Variants in PBX1 observed in about 807,000 individuals in gnomAD.
The protein encoded by PBX1 is pre-B-cell leukemia transcription factor 1.
Under a neutral mutation model 53.4 loss-of-function variants are expected in PBX1, and 6 were observed. That is an observed-to-expected ratio of 0.11 (90% CI 0.06 to 0.22). PBX1 has a LOEUF of 0.22. Ranked by LOEUF, PBX1 falls within the 10% of genes least tolerant of loss-of-function variation. The pLI is 1.00. For synonymous variants in PBX1, 204 were observed against 212.3 expected (o/e 0.96, Z 0.34); for missense variants, 251 against 551.4 (o/e 0.46, Z 5.46).
chr1:164,693,556 A>G (rs1662624741), intron 2 of PBX1, among the ~76,000 whole-genome samples: 1 of 151,372 alleles, frequency 6.6e-6, no homozygotes, highest in Admixed American at 6.6e-5. Context: ...CACACCTGAC[A>G]CTCCCCACCA....
intron 5 of PBX1, 101 bp downstream of exon 5, chr1:164,807,778 A>C (rs1669427049): frequency 7.6e-7 from 1 of 1,316,504 alleles, no homozygotes; most frequent in Non-Finnish European, 1.1e-6. Flanking sequence ...CATGCCTTGC[A>C]AGTTCCATCA....
chr1:164,562,965 TAAAA>T, intron 1 of PBX1: 2 of 176,602 alleles, frequency 1.1e-5, no homozygotes, highest in African/African-American at 2.5e-5. Flanking sequence ...TTAAACTACT[TAAAA>T]AAAAAAAAAA....
At chr1:164,729,927 T>C (rs1427374205) in intron 2 of PBX1, among the ~76,000 whole-genome samples, 1 of 152,248 alleles carries the variant, frequency 6.6e-6, no homozygotes, top group Non-Finnish European at 1.5e-5. Context: ...TCTCATTTAA[T>C]CTTCCCAATA....
chr1:164,822,666 A>C (rs1464649490), intron 8 of PBX1, among the ~76,000 whole-genome samples: 1 of 152,228 alleles, frequency 6.6e-6, no homozygotes, highest in Non-Finnish European at 1.5e-5. Context: ...AGATCAGATG[A>C]GGAATGATTG....
chr1:164,806,616 G>T (rs962084529), intron 4 of PBX1, among the ~76,000 whole-genome samples: 1 of 152,210 alleles, frequency 6.6e-6, no homozygotes, highest in South Asian at 2.1e-4. Context: ...TTTTGTAGTG[G>T]TCAGACCTGA....
At chr1:164,588,053 A>G (rs1315587646) in intron 2 of PBX1, among the ~76,000 whole-genome samples, 1 of 152,218 alleles carries the variant, frequency 6.6e-6, no homozygotes, top group Non-Finnish European at 1.5e-5. Context: ...GGCAAAGACC[A>G]AAGGACAGAG....
intron 3 of PBX1, among the ~76,000 whole-genome samples, chr1:164,797,863 G>A (rs561665760): frequency 9.2e-5 from 14 of 152,306 alleles, no homozygotes; most frequent in South Asian, 4.1e-4. Flanking sequence ...GCACAGATAC[G>A]TTAAGTAACT....
intron 2 of PBX1, among the ~76,000 whole-genome samples, chr1:164,861,328 C>G (rs1672091717): frequency 6.6e-6 from 1 of 152,114 alleles, no homozygotes; most frequent in Non-Finnish European, 1.5e-5. Context: ...CTGCTTAACT[C>G]ACTTCTAAAT....
intron 2 of PBX1, among the ~76,000 whole-genome samples, chr1:164,875,156 T>A (rs887489185): frequency 6.6e-6 from 1 of 152,098 alleles, no homozygotes; most frequent in Non-Finnish European, 1.5e-5. Flanking sequence ...AGACCTCTGA[T>A]GTGAAGTTAG....
At chr1:164,587,063 A>G (rs1182797497) in intron 2 of PBX1, among the ~76,000 whole-genome samples, 1 of 152,206 alleles carries the variant, frequency 6.6e-6, no homozygotes, top group East Asian at 1.9e-4. Context: ...CATGCTTGAC[A>G]TTGAGCAGCA....
intron 2 of PBX1, among the ~76,000 whole-genome samples, chr1:164,881,592 G>GAAGGAAAGGAAAGGA (rs71097555): frequency 0.018 from 1,735 of 94,110 alleles, 93 homozygotes; most frequent in East Asian, 0.061. Context: ...AGGAAGGGAG[G>GAAGGAAAGGAAAGGA]AAGGAAAGGA....
chr1:164,776,455 G>A (rs997658197), intron 2 of PBX1, among the ~76,000 whole-genome samples: 1 of 152,182 alleles, frequency 6.6e-6, no homozygotes, highest in Admixed American at 6.5e-5. Flanking sequence ...AATACCTCTT[G>A]ATCCACAAAT....
intron 2 of PBX1, among the ~76,000 whole-genome samples, chr1:164,710,473 G>A (rs1005883533): frequency 9.2e-5 from 14 of 151,786 alleles, no homozygotes; most frequent in African/African-American, 1.5e-4. Context: ...GTGCAATGGC[G>A]TCATCTCGGC....
rs558695561 is a variant in PBX1 at position 164,591,085 on chromosome 1, C to T, written c.265+27774C>T. Among the ~76,000 whole-genome samples the T allele has an allele frequency of 6.9e-4, 103 of 150,040 alleles. 1 individual carries two copies. Among genetic ancestry groups the T allele is most frequent in the Non-Finnish European group, 1.3e-3 (89 of 67,820 alleles). On this transcript the variant is annotated intron_variant, in intron 2 of 8. Coordinates refer to ENST00000420696, the MANE Select transcript of PBX1 (RefSeq NM_002585.4). ...GGAGTGCAGTGACATGATCTTGGCTCACTGCATCCTCTGCCTCCCAGGTTC... is the reference window on the plus strand; with the variant it reads ...GGAGTGCAGTGACATGATCTTGGCTTACTGCATCCTCTGCCTCCCAGGTTC...
intron 3 of PBX1, 67 bp downstream of exon 3, chr1:164,792,805 G>A (rs1013995454): frequency 1.6e-4 from 190 of 1,221,338 alleles, no homozygotes; most frequent in Non-Finnish European, 4.0e-5. Flanking sequence ...GCACAACCCC[G>A]GGGCTTGCAG....
At chr1:164,710,805 C>A (rs1484788800) in intron 2 of PBX1, among the ~76,000 whole-genome samples, 1 of 152,122 alleles carries the variant, frequency 6.6e-6, no homozygotes, top group African/African-American at 2.4e-5. Flanking sequence ...AAAAGAAGAA[C>A]AAGTTGAGGA....
chr1:164,711,349 T>C (rs578204481), intron 2 of PBX1, among the ~76,000 whole-genome samples: 2 of 152,196 alleles, frequency 1.3e-5, no homozygotes, highest in Non-Finnish European at 2.9e-5. Context: ...CTGCAAGCTC[T>C]GCCTTCCAAG....
intron 5 of PBX1, among the ~76,000 whole-genome samples, chr1:164,809,309 A>G (rs539276748): frequency 3.7e-4 from 57 of 152,260 alleles, no homozygotes; most frequent in Non-Finnish European, 6.5e-4. Context: ...ATGGAAACTC[A>G]AGGTACAAAT....
At chr1:164,804,300 AAAAC>A (rs1452961610) in intron 4 of PBX1, among the ~76,000 whole-genome samples, 1 of 152,208 alleles carries the variant, frequency 6.6e-6, no homozygotes, top group Non-Finnish European at 1.5e-5. Flanking sequence ...AAAGTGGACT[AAAAC>A]AAGAGGTTCC....
Sources: allele counts gnomAD v4.1 joint callset (sites outside exome capture counted in the v4.1 genomes callset), GRCh38; gene constraint gnomAD v4.1.1; transcripts MANE v1.5; gene names NCBI Gene and HGNC (gene_info 2026-07-23, HGNC 2026-07-21).